Variants in CADM2 observed in about 807,000 individuals in gnomAD.
CADM2 encodes immunoglobulin superfamily member 4D.
Under a neutral mutation model 49.8 loss-of-function variants are expected in CADM2, and 12 were observed. The observed-to-expected ratio is 0.24, with a 90% CI of 0.15 to 0.39. The LOEUF is 0.39. Ranked by LOEUF, CADM2 falls within the 10% of genes least tolerant of loss-of-function variation. The pLI, the probability that CADM2 is intolerant of heterozygous loss-of-function variation, is 1.00. For synonymous variants in CADM2, 214 were observed against 175.4 expected (o/e 1.22, Z -1.74); for missense variants, 378 against 492.3 (o/e 0.77, Z 2.20).
chr3:85,605,825 T>C lies in CADM2; in HGVS notation c.62-120697T>C, dbSNP rs1300731084. On this transcript the variant is annotated intron_variant, in intron 1 of 9. Coordinates refer to ENST00000383699, the MANE Select transcript of CADM2 (RefSeq NM_001167675.2). The stretch of plus-strand genomic sequence containing the variant: ...CTCCTTAAGTCTTTGCTAAACCTGA[T>C]TTCAGTAAAGAGTCAATGTACAGTA... 2.6e-5 allele frequency among the ~76,000 whole-genome samples: 4 copies of C among 152,104 alleles called. No homozygotes were observed. The East Asian group carries it at 5.8e-4, about 22-fold the overall frequency.
chr3:85,885,734 C>G (rs1472365083), intron 4 of CADM2, among the ~76,000 whole-genome samples: 1 of 148,136 alleles, frequency 6.8e-6, no homozygotes, highest in South Asian at 2.2e-4. Flanking sequence ...CACCTGTAAT[C>G]CCAGCTACTT....
chr3:85,467,139 T>C (rs751474766), intron 1 of CADM2, among the ~76,000 whole-genome samples: 4 of 152,120 alleles, frequency 2.6e-5, no homozygotes, highest in Non-Finnish European at 5.9e-5. Flanking sequence ...TGTAAAAGCA[T>C]TGGAAACTAG....
At chr3:85,361,036 G>A (rs1434726982) in intron 1 of CADM2, among the ~76,000 whole-genome samples, 1 of 152,082 alleles carries the variant, frequency 6.6e-6, no homozygotes, top group Admixed American at 6.6e-5. Context: ...ACTCTTTCTT[G>A]TCTGGACCAT....
chr3:86,025,422 T>A (rs1053682631), intron 8 of CADM2, among the ~76,000 whole-genome samples: 1 of 149,386 alleles, frequency 6.7e-6, no homozygotes, highest in Non-Finnish European at 1.5e-5. Flanking sequence ...AAAGTAAATA[T>A]CTTCTAAGGA....
chr3:85,253,877 T>G (rs749758894), intron 1 of CADM2, among the ~76,000 whole-genome samples: 6 of 152,112 alleles, frequency 3.9e-5, no homozygotes, highest in Non-Finnish European at 7.4e-5. Flanking sequence ...AAGTGTTTTT[T>G]CCTATTTTTA....
intron 1 of CADM2, among the ~76,000 whole-genome samples, chr3:85,658,308 C>T (rs950844163): frequency 2.0e-5 from 3 of 151,794 alleles, no homozygotes; most frequent in Non-Finnish European, 4.4e-5. Flanking sequence ...AGGAAACCAC[C>T]AGAGGCCAAA....
At chr3:85,999,567 CAGGA>C (rs34807959) in intron 8 of CADM2, among the ~76,000 whole-genome samples, 24,828 of 121,794 alleles carry the variant, frequency 0.2, 2,138 homozygotes, top group South Asian at 0.27. Context: ...GGCAGGAAGG[CAGGA>C]AGGAAGGAAG....
chr3:85,237,838 T>A (rs555434701), intron 1 of CADM2, among the ~76,000 whole-genome samples: 29 of 151,994 alleles, frequency 1.9e-4, no homozygotes, highest in South Asian at 1.2e-3. Flanking sequence ...ATCAATGTAG[T>A]TATTTGGAAA....
intron 2 of CADM2, among the ~76,000 whole-genome samples, chr3:85,758,167 G>A (rs1024108990): frequency 6.6e-6 from 1 of 152,090 alleles, no homozygotes; most frequent in African/African-American, 2.4e-5. Flanking sequence ...CACCAGGTTG[G>A]TACTGTCACA....
chr3:85,600,516 A>T (rs577144014), intron 1 of CADM2, among the ~76,000 whole-genome samples: 11 of 152,014 alleles, frequency 7.2e-5, no homozygotes, highest in Non-Finnish European at 1.5e-4. Flanking sequence ...TGATAGCAAG[A>T]ATGTTTATGT....
rs1578107321 is a variant in CADM2 at position 86,066,555 on chromosome 3, T to C, written c.1097-110T>C. ...CTTTAGAAGAGTCAATCGGGTAGCA[T>C]ATTAGGTCTCAAAAATCTGGCAAAA... On this transcript the variant is annotated intron_variant, in intron 9 of 9. Coordinates refer to ENST00000383699, the MANE Select transcript of CADM2 (RefSeq NM_001167675.2). The C allele has an allele frequency of 9.1e-6, 7 of 765,592 alleles. No homozygotes were observed. The East Asian group carries it at 1.2e-4, about 13-fold the overall frequency. 47.4% of individuals were successfully genotyped at this position (765,592 alleles called of 1,614,324 possible). A position where few individuals can be genotyped will look rare whatever the true frequency, so the allele number is the denominator to read the frequency against.
chr3:85,191,103 A>C (rs888010335), intron 1 of CADM2, among the ~76,000 whole-genome samples: 1 of 152,068 alleles, frequency 6.6e-6, no homozygotes, highest in African/African-American at 2.4e-5. Context: ...AGAAGTCTTT[A>C]GTACAGATGT....
intron 4 of CADM2, among the ~76,000 whole-genome samples, chr3:85,885,681 A>AG (rs62833362): frequency 4.3e-5 from 1 of 23,454 alleles, no homozygotes; most frequent in African/African-American, 1.6e-4. Context: ...ACTCTATCTC[A>AG]AAAAAAAAAA....
chr3:85,358,778 G>A (rs940676949), intron 1 of CADM2, among the ~76,000 whole-genome samples: 2 of 152,130 alleles, frequency 1.3e-5, no homozygotes, highest in Non-Finnish European at 2.9e-5. Context: ...TAAATTAAGA[G>A]TATAATACAT....
chr3:85,360,453 C>G, intron 1 of CADM2, among the ~76,000 whole-genome samples: 1 of 152,096 alleles, frequency 6.6e-6, no homozygotes, highest in East Asian at 1.9e-4. Context: ...TCAGAATTTT[C>G]TTTCTTATTT....
At chr3:85,931,925 A>G (rs1236972615) in intron 6 of CADM2, among the ~76,000 whole-genome samples, 1 of 151,238 alleles carries the variant, frequency 6.6e-6, no homozygotes, top group African/African-American at 2.4e-5. Flanking sequence ...TATTAAAATT[A>G]TTAAATGGTT....
intron 7 of CADM2, among the ~76,000 whole-genome samples, chr3:85,951,896 GA>G (rs994555213): frequency 7.0e-4 from 105 of 150,976 alleles, no homozygotes; most frequent in African/African-American, 2.5e-3. Flanking sequence ...TGGAGAAAGG[GA>G]AAAAACAAAA....
chr3:85,794,660 C>T (rs963929793), intron 2 of CADM2, among the ~76,000 whole-genome samples: 2 of 151,946 alleles, frequency 1.3e-5, no homozygotes, highest in Non-Finnish European at 2.9e-5. Context: ...TGGTGGTGAG[C>T]TTAGCCAGAC....
At chr3:85,408,472 T>G (rs1025674148) in intron 1 of CADM2, among the ~76,000 whole-genome samples, 1 of 152,204 alleles carries the variant, frequency 6.6e-6, no homozygotes, top group African/African-American at 2.4e-5. Context: ...TCAGAATTTG[T>G]TAAGTTTTGA....
Sources: gnomAD v4.1 joint callset for allele counts (sites outside exome capture counted in the v4.1 genomes callset) on GRCh38, gnomAD v4.1.1 for gene constraint, MANE v1.5 for transcripts, NCBI Gene and HGNC (gene_info 2026-07-23, HGNC 2026-07-21) for gene names.